The following SMOC2 variants were observed in gnomAD, a reference collection of about 807,000 sequenced individuals.
SMOC2 encodes SPARC-related modular calcium-binding protein 2.
In SMOC2, 39 loss-of-function variants were observed where a neutral mutation model predicts 61.4. The ratio of observed to expected loss-of-function variants is 0.64; its 90% confidence interval spans 0.49 to 0.83. The LOEUF (loss-of-function observed/expected upper bound fraction) is 0.83, where lower values mean the gene tolerates loss of function less well. Ranked by LOEUF, SMOC2 falls within the 40% of genes least tolerant of loss-of-function variation. The pLI, the probability that SMOC2 is intolerant of heterozygous loss-of-function variation, is 0.00. For synonymous variants in SMOC2, 247 were observed against 239.9 expected (o/e 1.03, Z -0.27); for missense variants, 556 against 592.9 (o/e 0.94, Z 0.65).
intron 5 of SMOC2, 131 bp from the exon 6 acceptor site, chr6:168,546,988 G>C (rs1338313222): frequency 9.5e-7 from 1 of 1,057,622 alleles, no homozygotes; most frequent in African/African-American, 1.6e-5. Flanking sequence ...CGTTGGGTCT[G>C]TGTGGGGTTG....
At chr6:168,648,371 G>GC (rs1395102998) in intron 9 of SMOC2, among the ~76,000 whole-genome samples, 1 of 152,230 alleles carries the variant, frequency 6.6e-6, no homozygotes, top group Non-Finnish European at 1.5e-5. Context: ...CAGGGCTTCT[G>GC]CCCACGTGTT....
chr6:168,567,500 CGT>C (rs201622209), intron 7 of SMOC2, among the ~76,000 whole-genome samples: 36 of 148,760 alleles, frequency 2.4e-4, no homozygotes, highest in South Asian at 6.4e-4. Flanking sequence ...TTTATTTGTG[CGT>C]GTGTGTGTGT....
intron 11 of SMOC2, among the ~76,000 whole-genome samples, chr6:168,657,216 C>T (rs995295226): frequency 6.6e-6 from 1 of 152,248 alleles, no homozygotes; most frequent in East Asian, 1.9e-4. Flanking sequence ...TTCATTTTCA[C>T]AGCCATCCTG....
intron 1 of SMOC2, among the ~76,000 whole-genome samples, chr6:168,458,707 C>T (rs540433168): frequency 7.9e-5 from 12 of 152,232 alleles, no homozygotes; most frequent in Middle Eastern, 3.4e-3. Context: ...TGTTCTGTCA[C>T]GTCCCCCTGC....
At chr6:168,659,636 T>A (rs1787435791) in intron 11 of SMOC2, among the ~76,000 whole-genome samples, 552 of 150,134 alleles carry the variant, frequency 3.7e-3, no homozygotes, top group African/African-American at 0.013. Context: ...GGGTGGAGGT[T>A]GTAGGTTGGG....
intron 9 of SMOC2, among the ~76,000 whole-genome samples, chr6:168,643,694 G>A (rs1445928772): frequency 6.6e-6 from 1 of 152,188 alleles, no homozygotes; most frequent in Non-Finnish European, 1.5e-5. Flanking sequence ...AAATCACCTG[G>A]ACGTAGGATG....
chr6:168,538,983 G>A (rs1783814912), intron 4 of SMOC2, among the ~76,000 whole-genome samples: 1 of 152,064 alleles, frequency 6.6e-6, no homozygotes, highest in African/African-American at 2.4e-5. Context: ...GGTGGTTCAG[G>A]GACGCCGGCA....
At position 168,612,380 on chromosome 6, in the gene SMOC2, G is replaced by A. The variant is rs926378760; in HGVS notation, c.907+4141G>A. On this transcript the variant is annotated intron_variant, in intron 9 of 12. Coordinates refer to ENST00000356284, the MANE Select transcript of SMOC2 (RefSeq NM_001166412.2). The stretch of plus-strand genomic sequence containing the variant: ...ACCTTTACTCAAACAGCAGCACTGG[G>A]TTCGTGATCTCCATCAGGGGAGAGG... 2.4e-4 allele frequency among the ~76,000 whole-genome samples: 27 copies of A among 114,092 alleles called. 3 individuals carry two copies. The highest frequency in any genetic ancestry group is 1.1e-4 in the Non-Finnish European group (6 of 53,790). The allele number at this position is 114,092 out of a possible 152,430, so 74.8% of individuals were successfully genotyped here.
Position 168,466,545 on chromosome 6 carries a change from A to G in SMOC2, c.84+25091A>G, listed in dbSNP as rs1430877737. Among the ~76,000 whole-genome samples the G allele has an allele frequency of 2.0e-5, 3 of 152,220 alleles. No individual in the cohort carries two copies. The East Asian group carries it at 5.8e-4, about 29-fold the overall frequency. ...AGGCCACTGCCTGCTGGATCAGGAG[A>G]TGAGGAGGTCACTTCCAACTTTCTC... On this transcript the variant is annotated intron_variant, in intron 1 of 12. Transcript: ENST00000356284.
chr6:168,557,230 TATTA>T (rs1351713315), intron 7 of SMOC2, among the ~76,000 whole-genome samples: 2 of 152,200 alleles, frequency 1.3e-5, no homozygotes, highest in Non-Finnish European at 2.9e-5. Flanking sequence ...ATTTGTAAGT[TATTA>T]ATTTTTGGTC....
intron 11 of SMOC2, chr6:168,655,617 G>C (rs759243728): frequency 5.8e-6 from 2 of 342,326 alleles, no homozygotes; most frequent in African/African-American, 2.1e-5. Flanking sequence ...CCCTGCACAT[G>C]TGTGCTGGAT....
At chr6:168,540,345 C>T (rs1249528572) in intron 4 of SMOC2, among the ~76,000 whole-genome samples, 1 of 152,200 alleles carries the variant, frequency 6.6e-6, no homozygotes, top group Non-Finnish European at 1.5e-5. Context: ...CGGAGGGGAC[C>T]TCTCCCCAGC....
At chr6:168,499,309 G>A (rs1782670927) in intron 1 of SMOC2, among the ~76,000 whole-genome samples, 1 of 152,236 alleles carries the variant, frequency 6.6e-6, no homozygotes, top group African/African-American at 2.4e-5. Flanking sequence ...GCAGTCCAAC[G>A]TGTGCTTCAT....
chr6:168,470,912 A>G (rs1404244407), intron 1 of SMOC2, among the ~76,000 whole-genome samples: 1 of 152,186 alleles, frequency 6.6e-6, no homozygotes, highest in East Asian at 1.9e-4. Flanking sequence ...CTTCACTGTC[A>G]TTTGAGGCAT....
intron 12 of SMOC2, chr6:168,664,473 A>C (rs758401434): frequency 2.9e-5 from 12 of 413,968 alleles, no homozygotes; most frequent in Non-Finnish European, 2.8e-5. Flanking sequence ...AGGCTCAAGC[A>C]ATCCACCTGG....
At chr6:168,513,949 C>G (rs1032754285) in intron 2 of SMOC2, among the ~76,000 whole-genome samples, 1 of 152,204 alleles carries the variant, frequency 6.6e-6, no homozygotes. Context: ...TTCAGACTCT[C>G]CTATGAGGTG....
chr6:168,658,516 C>G (rs1787383607), intron 11 of SMOC2, among the ~76,000 whole-genome samples: 1 of 152,054 alleles, frequency 6.6e-6, no homozygotes, highest in Admixed American at 6.5e-5. Flanking sequence ...AAACGTAAGC[C>G]ACGCATGGCT....
intron 5 of SMOC2, among the ~76,000 whole-genome samples, chr6:168,546,263 A>T (rs1209876533): frequency 6.7e-6 from 1 of 149,832 alleles, no homozygotes; most frequent in East Asian, 1.9e-4. Flanking sequence ...AAAAAAAAAA[A>T]AAAAAAAAAA....
chr6:168,549,443 A>G (rs1784081632), intron 7 of SMOC2, among the ~76,000 whole-genome samples: 1 of 152,210 alleles, frequency 6.6e-6, no homozygotes, highest in African/African-American at 2.4e-5. Context: ...TGTATGTTAT[A>G]TGTATTATAT....
Sources: allele counts gnomAD v4.1 joint callset (sites outside exome capture counted in the v4.1 genomes callset), GRCh38; gene constraint gnomAD v4.1.1; transcripts MANE v1.5; gene names NCBI Gene and HGNC (gene_info 2026-07-23, HGNC 2026-07-21).